GRID1: variants seen among roughly 807,000 people sequenced by gnomAD.
GRID1 encodes glutamate ionotropic receptor delta type subunit 1.
GRID1 carries 28 observed loss-of-function variants against 98.0 expected under a neutral mutation model. The ratio of observed to expected loss-of-function variants is 0.29; its 90% CI spans 0.21 to 0.39. The LOEUF is 0.39. Ranked by LOEUF, GRID1 falls within the 10% of genes least tolerant of loss-of-function variation. GRID1 has a pLI of 1.00. For synonymous variants in GRID1, 553 were observed against 538.5 expected, an observed-to-expected ratio of 1.03 and a Z score of -0.37; for missense variants, 1,111 against 1,340.5, an observed-to-expected ratio of 0.83 and a Z score of 2.67.
At chr10:85,869,257 G>A (rs1048615912) in intron 5 of GRID1, 77 bp from the exon 6 acceptor site, 3 of 1,316,808 alleles carry the variant, frequency 2.3e-6, no homozygotes, top group Non-Finnish European at 3.3e-6. Flanking sequence ...GAGGCATCTA[G>A]GCCAGCAGCC....
At chr10:85,987,810 A>T (rs1842631333) in intron 4 of GRID1, among the ~76,000 whole-genome samples, 1 of 151,480 alleles carries the variant, frequency 6.6e-6, no homozygotes, top group South Asian at 2.1e-4. Context: ...TTGCATCTGA[A>T]TGGGGTCCCC....
chr10:85,833,514 T>C (rs978700029), intron 8 of GRID1, among the ~76,000 whole-genome samples: 3 of 140,272 alleles, frequency 2.1e-5, no homozygotes, highest in African/African-American at 5.3e-5. Context: ...AACCAGGATA[T>C]AACTCCCAAC....
At chr10:85,866,491 C>T (rs1044678692) in intron 6 of GRID1, among the ~76,000 whole-genome samples, 12 of 151,598 alleles carry the variant, frequency 7.9e-5, no homozygotes, top group African/African-American at 2.9e-4. Context: ...ATTCCAATTC[C>T]AGTTGAGCAT....
intron 4 of GRID1, among the ~76,000 whole-genome samples, chr10:85,920,978 C>T (rs184133356): frequency 3.0e-4 from 46 of 152,326 alleles, no homozygotes; most frequent in Non-Finnish European, 5.1e-4. Context: ...GTGAATCCCA[C>T]GAGACCTAGC....
intron 4 of GRID1, among the ~76,000 whole-genome samples, chr10:85,993,205 G>C (rs761616898): frequency 1.3e-5 from 2 of 152,184 alleles, no homozygotes; most frequent in Non-Finnish European, 2.9e-5. Context: ...AGAACAGCAG[G>C]TACAGAGGAC....
intron 4 of GRID1, among the ~76,000 whole-genome samples, chr10:85,982,144 A>G (rs1262364621): frequency 1.3e-5 from 2 of 151,978 alleles, no homozygotes; most frequent in Non-Finnish European, 2.9e-5. Flanking sequence ...CAGATGGAAA[A>G]ATGGCCATTT....
At chr10:85,652,307 T>G (rs1163482641) in intron 12 of GRID1, among the ~76,000 whole-genome samples, 1 of 152,220 alleles carries the variant, frequency 6.6e-6, no homozygotes, top group Non-Finnish European at 1.5e-5. Context: ...AATACAGAAT[T>G]TATAAATACA....
At chr10:86,220,305 G>A (rs1202704352) in intron 2 of GRID1, among the ~76,000 whole-genome samples, 3 of 152,152 alleles carry the variant, frequency 2.0e-5, no homozygotes, top group Admixed American at 6.5e-5. Flanking sequence ...GCGGTAAGAG[G>A]ATAGGTTCTG....
chr10:86,116,135 G>T (rs1844574594), intron 4 of GRID1, among the ~76,000 whole-genome samples: 1 of 152,178 alleles, frequency 6.6e-6, no homozygotes, highest in Non-Finnish European at 1.5e-5. Flanking sequence ...TTCTCAGGAT[G>T]TATCCTCATC....
chr10:85,927,013 T>C (rs1384684708), intron 4 of GRID1, among the ~76,000 whole-genome samples: 1 of 152,180 alleles, frequency 6.6e-6, no homozygotes, highest in East Asian at 1.9e-4. Flanking sequence ...CTTCCCTGAG[T>C]GTATTAACTA....
At chr10:85,635,378 ACT>A (rs1843026677) in intron 13 of GRID1, among the ~76,000 whole-genome samples, 1 of 151,866 alleles carries the variant, frequency 6.6e-6, no homozygotes, top group Non-Finnish European at 1.5e-5. Flanking sequence ...AGTAAGACTG[ACT>A]CTGCCACCCA....
At chr10:85,864,571 C>T (rs1843197184) in intron 6 of GRID1, among the ~76,000 whole-genome samples, 1 of 152,164 alleles carries the variant, frequency 6.6e-6, no homozygotes, top group South Asian at 2.1e-4. Context: ...CTAAGTAAAC[C>T]ATTGAAAGTG....
At chr10:86,339,133 T>TGC (rs1475505046) in intron 2 of GRID1, among the ~76,000 whole-genome samples, 16 of 152,338 alleles carry the variant, frequency 1.1e-4, no homozygotes, top group African/African-American at 3.8e-4. Context: ...CAGTGCCTGG[T>TGC]GCCTGGCCCA....
chr10:86,168,663 C>T (rs1454849882), intron 3 of GRID1, among the ~76,000 whole-genome samples: 10 of 152,260 alleles, frequency 6.6e-5, no homozygotes, highest in Middle Eastern at 3.4e-3. Context: ...CAGGGCAGAG[C>T]GGTGAGTAAG....
chr10:86,215,196 T>A (rs1387372012), intron 2 of GRID1, among the ~76,000 whole-genome samples: 1 of 152,142 alleles, frequency 6.6e-6, no homozygotes, highest in African/African-American at 2.4e-5. Context: ...CCCCAGCCTC[T>A]CTGGCCTCAA....
chr10:86,109,033 C>A (rs749161793), intron 4 of GRID1, among the ~76,000 whole-genome samples: 5 of 152,190 alleles, frequency 3.3e-5, no homozygotes, highest in Non-Finnish European at 5.9e-5. Context: ...TAAAGAAACC[C>A]AAACATTCGT....
chr10:86,239,406 C>T (rs146969449), intron 2 of GRID1, among the ~76,000 whole-genome samples: 6,496 of 152,238 alleles, frequency 0.043, 255 homozygotes, highest in Admixed American at 0.11. Context: ...GGACTGTGGA[C>T]TTTTGAGTTA....
chr10:86,145,831 T>G (rs1459531158), intron 3 of GRID1, among the ~76,000 whole-genome samples: 1 of 152,164 alleles, frequency 6.6e-6, no homozygotes, highest in Non-Finnish European at 1.5e-5. Context: ...CAGTAAAAGT[T>G]TATGGAATCA....
rs114976333 is a variant in GRID1 at position 85,792,998 on chromosome 10, C to A, written c.1233+61498G>T. On this transcript the variant is annotated intron_variant, in intron 8 of 15. Transcript: ENST00000327946. ...GTACCTGCTTCAGGGCTCTGCCACA[C>A]CCTTGTCCCATCCCTCCCTTAGCTT... is the stretch of plus-strand genomic sequence containing the variant. Among the ~76,000 whole-genome samples, 122 of 152,290 alleles carry A rather than the reference C, an allele frequency of 8.0e-4. 1 individual carries two copies. Among genetic ancestry groups the A allele is most frequent in the African/African-American group, 2.8e-3 (115 of 41,568 alleles).
Sources: allele counts gnomAD v4.1 joint callset (sites outside exome capture counted in the v4.1 genomes callset), GRCh38; gene constraint gnomAD v4.1.1; transcripts MANE v1.5; gene names NCBI Gene and HGNC (gene_info 2026-07-23, HGNC 2026-07-21).